The following SDK1 variants were observed in gnomAD, a reference collection of about 807,000 sequenced individuals.
The protein encoded by SDK1 is protein sidekick-1.
In SDK1, 157 loss-of-function variants were observed where a neutral mutation model predicts 245.5. The ratio of observed to expected loss-of-function variants is 0.64; its 90% confidence interval spans 0.56 to 0.73. SDK1 has a LOEUF of 0.73. Among genes scored for constraint, SDK1 ranks in the 30% least tolerant of loss-of-function variants. The pLI, the probability that SDK1 is intolerant of heterozygous loss-of-function variation, is 0.00. For missense variants in SDK1, 3,583 were observed against 3,002.3 expected (o/e 1.19, Z -4.52); for synonymous variants, 1,647 against 1,278.5 (o/e 1.29, Z -6.15).
intron 1 of SDK1, among the ~76,000 whole-genome samples, chr7:3,381,952 T>C (rs1217356027): frequency 6.6e-6 from 1 of 152,148 alleles, no homozygotes; most frequent in Non-Finnish European, 1.5e-5. Context: ...GAAGCATAAA[T>C]ATGCACAAAA....
At chr7:4,064,565 A>G (rs1317197826) in intron 19 of SDK1, among the ~76,000 whole-genome samples, 2 of 152,198 alleles carry the variant, frequency 1.3e-5, no homozygotes, top group Non-Finnish European at 2.9e-5. Context: ...ACTATTGGGT[A>G]TTTATCCATA....
chr7:3,457,099 G>A (rs6949513), intron 1 of SDK1, among the ~76,000 whole-genome samples: 58,392 of 151,956 alleles, frequency 0.38, 12,566 homozygotes, highest in East Asian at 0.51. Context: ...TTGTCAGTGC[G>A]GTTCTCTGTT....
At chr7:4,137,993 A>C (rs934479491) in intron 28 of SDK1, among the ~76,000 whole-genome samples, 1 of 152,208 alleles carries the variant, frequency 6.6e-6, no homozygotes, top group African/African-American at 2.4e-5. Context: ...AAGGTGAGCT[A>C]TAGGCATTCA....
At chr7:3,453,131 C>T (rs1250924196) in intron 1 of SDK1, among the ~76,000 whole-genome samples, 2 of 148,620 alleles carry the variant, frequency 1.3e-5, no homozygotes, top group Non-Finnish European at 3.0e-5. Context: ...AGCAGTTTAA[C>T]CCCCCCCGGT....
chr7:3,394,380 T>C (rs535670945), intron 1 of SDK1, among the ~76,000 whole-genome samples: 1 of 152,302 alleles, frequency 6.6e-6, no homozygotes, highest in East Asian at 1.9e-4. Flanking sequence ...GATTCGTAAT[T>C]ATGTGCCATT....
chr7:3,389,777 TGG>T (rs1261013132), intron 1 of SDK1, among the ~76,000 whole-genome samples: 1 of 151,934 alleles, frequency 6.6e-6, no homozygotes, highest in Non-Finnish European at 1.5e-5. Context: ...AAAACTAACG[TGG>T]AAGTTGGTAC....
intron 34 of SDK1, among the ~76,000 whole-genome samples, chr7:4,176,168 T>G (rs1782198068): frequency 6.6e-6 from 1 of 151,058 alleles, no homozygotes; most frequent in African/African-American, 2.4e-5. Flanking sequence ...TTCTTTACTT[T>G]TTTTTTTTTT....
intron 4 of SDK1, among the ~76,000 whole-genome samples, chr7:3,782,138 T>C (rs954240470): frequency 2.0e-5 from 3 of 152,236 alleles, no homozygotes; most frequent in African/African-American, 7.2e-5. Context: ...CTCATGGTTC[T>C]GCAGACAGTA....
intron 5 of SDK1, among the ~76,000 whole-genome samples, chr7:3,848,935 G>C (rs1780349250): frequency 6.6e-6 from 1 of 152,210 alleles, no homozygotes; most frequent in South Asian, 2.1e-4. Context: ...CTCCCAAAGT[G>C]CCGGGATTAC....
At chr7:3,368,320 C>A (rs1395505200) in intron 1 of SDK1, among the ~76,000 whole-genome samples, 1 of 152,182 alleles carries the variant, frequency 6.6e-6, no homozygotes, top group Non-Finnish European at 1.5e-5. Flanking sequence ...ATCAAAGTTA[C>A]TTGTTCTCCC....
chr7:4,239,236 A>G (rs1377934165), intron 42 of SDK1, among the ~76,000 whole-genome samples: 2 of 152,198 alleles, frequency 1.3e-5, no homozygotes, highest in African/African-American at 4.8e-5. Flanking sequence ...CTCCATTTAC[A>G]TGAAGGCCAG....
At chr7:3,320,500 C>T (rs1779776248) in intron 1 of SDK1, among the ~76,000 whole-genome samples, 1 of 152,144 alleles carries the variant, frequency 6.6e-6, no homozygotes, top group Admixed American at 6.5e-5. Context: ...CCTGCTCCCA[C>T]CTTGGTTGGT....
At chr7:3,863,794 C>G (rs1197441672) in intron 5 of SDK1, among the ~76,000 whole-genome samples, 2 of 152,204 alleles carry the variant, frequency 1.3e-5, no homozygotes, top group Non-Finnish European at 2.9e-5. Context: ...GAAGAATATT[C>G]CATCGTACGG....
chr7:3,920,377 C>T (rs540153688), intron 5 of SDK1, among the ~76,000 whole-genome samples: 3 of 152,040 alleles, frequency 2.0e-5, no homozygotes, highest in Non-Finnish European at 4.4e-5. Flanking sequence ...AAGAGGGGAA[C>T]ATACTTGGGA....
chr7:4,010,982 G>T lies in SDK1; in HGVS notation c.2148G>T (p.Val716=), dbSNP rs1470036071. 3.1e-6 allele frequency: 5 copies of T among 1,614,222 alleles called. No individual in the cohort carries two copies. The highest frequency in any genetic ancestry group is 1.6e-4 in the Middle Eastern group (1 of 6,062). The change falls in exon 15 of 45, where the codon GTG becomes GTT. Residue 716 remains valine (V), a synonymous_variant. Transcript: ENST00000404826. ...TTCTTTCAGACTCTCCATGGAAGGT[G>T]CATCTGTCAAACGTTGGCCCTGAGA... ...ELSENNSPWK[V]HLSNVGPEMT...
At chr7:3,792,132 TAACAA>T (rs1562446566) in intron 4 of SDK1, among the ~76,000 whole-genome samples, 1 of 151,738 alleles carries the variant, frequency 6.6e-6, no homozygotes, top group African/African-American at 2.4e-5. Flanking sequence ...CCTTCCTAAA[TAACAA>T]AACAAAATAA....
chr7:3,386,213 A>G (rs1781606287), intron 1 of SDK1, among the ~76,000 whole-genome samples: 1 of 152,192 alleles, frequency 6.6e-6, no homozygotes, highest in Non-Finnish European at 1.5e-5. Context: ...CTGATTGTGT[A>G]GTGTAAGGTT....
At chr7:3,790,503 A>C (rs990260371) in intron 4 of SDK1, among the ~76,000 whole-genome samples, 11 of 152,136 alleles carry the variant, frequency 7.2e-5, no homozygotes, top group African/African-American at 2.7e-4. Context: ...ATACCAGATC[A>C]CATGGTTAAA....
chr7:3,859,864 G>A (rs529634709), intron 5 of SDK1, among the ~76,000 whole-genome samples: 14 of 137,404 alleles, frequency 1.0e-4, no homozygotes, highest in South Asian at 4.2e-4. Context: ...AAATAATGAC[G>A]TGTGGGGAAG....
Sources: gnomAD v4.1 joint callset for allele counts (sites outside exome capture counted in the v4.1 genomes callset) on GRCh38, gnomAD v4.1.1 for gene constraint, MANE v1.5 for transcripts, NCBI Gene and HGNC (gene_info 2026-07-23, HGNC 2026-07-21) for gene names.